Variants in ZNF276 observed in about 807,000 individuals in gnomAD.
ZNF276 encodes centromere protein Z.
Under a neutral mutation model 63.9 loss-of-function variants are expected in ZNF276, and 59 were observed. The ratio of observed to expected loss-of-function variants is 0.92; its 90% CI spans 0.75 to 1.15. ZNF276 has a LOEUF of 1.15. Ranked by LOEUF, ZNF276 falls within the 50% of genes most tolerant of loss-of-function variation. The pLI is 0.00. For missense variants in ZNF276, 1,084 were observed against 843.8 expected (o/e 1.28, Z -3.53); for synonymous variants, 496 against 348.4 (o/e 1.42, Z -4.72).
chr16:89,739,899 A>G lies in ZNF276; in HGVS notation c.*1653A>G, dbSNP rs749315047. 5.7e-6 allele frequency: 9 copies of G among 1,576,842 alleles called. No individual in the cohort carries two copies. The highest frequency in any genetic ancestry group is 1.7e-4 in the Middle Eastern group (1 of 5,908). The stretch of plus-strand genomic sequence containing the variant: ...AATGGAGCTTATAAACTTACTTAGC[A>G]AGGAACCTCAAGGAGGGCTCGTTCT... On this transcript the variant is annotated 3_prime_UTR_variant, in exon 11 of 11. Transcript: ENST00000443381.
Position 89,722,770 on chromosome 16 carries a change from C to T in ZNF276, c.445C>T (p.Leu149Phe). ...CHAQFYQCHS[L>F]LKSFLQRVNA... ...CGCCCAGTTCTACCAGTGCCACAGC[C>T]TTCTCAAGTCCTTCCTGCAGAGGGT... The change falls in exon 2 of 11, where the codon CTT becomes TTT. Residue 149 changes from leucine to phenylalanine, a missense_variant. Leu to Phe is a conservative substitution (Grantham distance 22). Transcript: ENST00000443381. The T allele has an allele frequency of 1.2e-6, 2 of 1,610,188 alleles. No individual in the cohort carries two copies. Among genetic ancestry groups the T allele is most frequent in the Non-Finnish European group, 1.7e-6 (2 of 1,180,014 alleles).
chr16:89,736,951 C>T (rs1007114162), intron 9 of ZNF276, among the ~76,000 whole-genome samples: 5 of 152,172 alleles, frequency 3.3e-5, no homozygotes, highest in South Asian at 2.1e-4. Flanking sequence ...TAGGGTTTCC[C>T]TTCGAAGAGA....
intron 1 of ZNF276, 28 bp downstream of exon 1, chr16:89,721,873 T>C (rs939554333): frequency 8.4e-7 from 1 of 1,193,972 alleles, no homozygotes; most frequent in South Asian, 4.2e-5. Flanking sequence ...GCGTGGCGGG[T>C]TGGGGTCGCG....
chr16:89,736,331 A>ATT (rs754681240), intron 9 of ZNF276, among the ~76,000 whole-genome samples: 10,753 of 134,984 alleles, frequency 0.08, 497 homozygotes, highest in East Asian at 0.24. Context: ...CCAGCCCCCA[A>ATT]TTTTTTTTTT....
Position 89,739,739 on chromosome 16 carries a change from C to A in ZNF276, c.*1493C>A, listed in dbSNP as rs1282075167. 6.7e-7 allele frequency: 1 copy of A among 1,492,588 alleles called. No homozygotes were observed. Among genetic ancestry groups the A allele is most frequent in the Non-Finnish European group, 8.9e-7 (1 of 1,123,396 alleles). 92.5% of individuals were successfully genotyped at this position (1,492,588 alleles called of 1,614,324 possible). On this transcript the variant is annotated 3_prime_UTR_variant, in exon 11 of 11. Transcript: ENST00000443381. ...AGCTGGGAGAGGATGGGGGGGTCGA[C>A]CTCTTGCAGGAGGGTGGGTGTGGTG...
At position 89,739,782 on chromosome 16, in the gene ZNF276, C is replaced by T. The variant is rs2151713903; in HGVS notation, c.*1536C>T. Reference sequence around the variant, plus strand: ...GTGTGGTGCAGAGAGAGGCAGTCCCCATGATAGGCCCATTGGTCCTGGGGT... The same window carrying T: ...GTGTGGTGCAGAGAGAGGCAGTCCCTATGATAGGCCCATTGGTCCTGGGGT... On this transcript the variant is annotated 3_prime_UTR_variant, in exon 11 of 11. Coordinates refer to ENST00000443381, the MANE Select transcript of ZNF276 (RefSeq NM_001113525.2). 15 of 1,468,514 alleles carry T rather than the reference C, an allele frequency of 1.0e-5. No homozygotes were observed. The highest frequency in any genetic ancestry group is 1.3e-5 in the Non-Finnish European group (15 of 1,114,036). 91.0% of individuals were successfully genotyped at this position (1,468,514 alleles called of 1,614,324 possible). A position where few individuals can be genotyped will look rare whatever the true frequency, so the allele number is the denominator to read the frequency against.
intron 1 of ZNF276, 112 bp downstream of exon 1, chr16:89,721,957 G>T (rs2061298560): frequency 2.6e-6 from 2 of 763,764 alleles, no homozygotes; most frequent in South Asian, 1.3e-4. Context: ...CCGGCCAAGG[G>T]CGTAGCGGAC....
chr16:89,728,632 G>C (rs537279036), intron 5 of ZNF276, among the ~76,000 whole-genome samples: 8 of 152,236 alleles, frequency 5.3e-5, no homozygotes, highest in Admixed American at 2.0e-4. Context: ...TTGATCTCCT[G>C]ACCTCGTGAT....
At position 89,722,841 on chromosome 16, in the gene ZNF276, C is replaced by T. The variant is rs1451574123; in HGVS notation, c.509+7C>T. On this transcript the variant is annotated splice_region_variant and intron_variant, in intron 2 of 10. Transcript: ENST00000443381. The stretch of plus-strand genomic sequence containing the variant: ...GCCGGAAGCCTTGTGCAAAGTACGC[C>T]CTAGTCTGTTCAGAGCACGTTCAGG... The T allele has an allele frequency of 7.5e-6, 12 of 1,599,770 alleles. No individual in the cohort carries two copies. The highest frequency in any genetic ancestry group is 3.3e-5 in the Admixed American group (2 of 59,934).
chr16:89,735,744 C>T (rs1367151759), intron 9 of ZNF276, among the ~76,000 whole-genome samples: 2 of 152,128 alleles, frequency 1.3e-5, no homozygotes, highest in Non-Finnish European at 2.9e-5. Context: ...GAAACAGTCT[C>T]ACTCTTATCA....
Position 89,737,883 on chromosome 16 carries a change from C to A in ZNF276, c.1552C>A (p.His518Asn). 6.2e-7 allele frequency: 1 copy of A among 1,613,604 alleles called. No homozygotes were observed. The highest frequency in any genetic ancestry group is 8.5e-7 in the Non-Finnish European group (1 of 1,179,906). Residue 518 changes from histidine to asparagine, a missense_variant, in exon 10 of 11, where the codon CAT (histidine) becomes AAT (asparagine). Transcript: ENST00000443381. Reference sequence around the variant, plus strand: ...GCACCTTCTCGTCCACCAAATGCGACATTCGGGAGCCAAGCCTTTGCAGTA... The same window carrying A: ...GCACCTTCTCGTCCACCAAATGCGAAATTCGGGAGCCAAGCCTTTGCAGTA... ...RKHLLVHQMRHSGAKPLQCEV... is the reference protein window; with the variant it reads ...RKHLLVHQMRNSGAKPLQCEV...
At position 89,729,230 on chromosome 16, in the gene ZNF276, C is replaced by T. The variant is rs1249180126; in HGVS notation, c.1086-5C>T. 3 of 1,613,660 alleles carry T rather than the reference C, an allele frequency of 1.9e-6. No individual in the cohort carries two copies. Among genetic ancestry groups the T allele is most frequent in the South Asian group, 1.1e-5 (1 of 91,070 alleles). ...CTTTGCTGAAGATTCTCTCTTAATT[C>T]CTAGAGACGTCTTGAGTGAAGATGA... On this transcript the variant is annotated splice_polypyrimidine_tract_variant and splice_region_variant and intron_variant, in intron 5 of 10. Coordinates refer to ENST00000443381, the MANE Select transcript of ZNF276 (RefSeq NM_001113525.2).
At chr16:89,732,835 T>A in intron 6 of ZNF276, 1 of 210,866 alleles carries the variant, frequency 4.7e-6, no homozygotes, top group South Asian at 4.4e-5. Flanking sequence ...CCCTGCTGTG[T>A]CCTGCGCCCT....
chr16:89,724,404 T>C (rs2061405114), intron 4 of ZNF276, among the ~76,000 whole-genome samples: 1 of 152,168 alleles, frequency 6.6e-6, no homozygotes, highest in Non-Finnish European at 1.5e-5. Context: ...CCCAGCACTT[T>C]GGGAGGCTGA....
chr16:89,740,304 C>G lies in ZNF276; in HGVS notation c.*2058C>G. On this transcript the variant is annotated 3_prime_UTR_variant, in exon 11 of 11. Transcript: ENST00000443381. ...GGAGGCCAGGGACTTCGAGCACCCA[C>G]ACCAAGGCTGCTGCACCACGTCCTC... is the stretch of plus-strand genomic sequence containing the variant. 1 of 594,270 alleles carries G rather than the reference C, an allele frequency of 1.7e-6. No individual in the cohort carries two copies. The highest frequency in any genetic ancestry group is 3.0e-6 in the Non-Finnish European group (1 of 332,290). The allele number at this position is 594,270 out of a possible 1,614,324, so 36.8% of individuals were successfully genotyped here.
At chr16:89,721,472 G>A (rs1009335806), upstream of ZNF276, 17 of 567,382 alleles carry the variant, frequency 3.0e-5, no homozygotes, top group African/African-American at 2.0e-4. Context: ...GGCCGGCGGG[G>A]TCCCGCCCCT....
chr16:89,733,733 G>T (rs937989753), intron 8 of ZNF276, among the ~76,000 whole-genome samples, 176 bp downstream of exon 8: 1 of 152,016 alleles, frequency 6.6e-6, no homozygotes, highest in Non-Finnish European at 1.5e-5. Flanking sequence ...TGTGAGGCCA[G>T]ACTTTCACTT....
intron 6 of ZNF276, 180 bp from the exon 7 acceptor site, chr16:89,733,120 CCT>C (rs1280791447): frequency 2.4e-5 from 15 of 634,754 alleles, no homozygotes; most frequent in African/African-American, 7.4e-5. Flanking sequence ...TGTGCTCGCC[CCT>C]GAGGCCTCCT....
chr16:89,739,108 A>T lies in ZNF276; in HGVS notation c.*862A>T. ...CTCCGGCTGGGGGGAGCTCCCCTGG[A>T]GGTGGGACTGGCCCTTGCACCTGCC... On this transcript the variant is annotated 3_prime_UTR_variant, in exon 11 of 11. Transcript: ENST00000443381. 6.2e-7 allele frequency: 1 copy of T among 1,613,972 alleles called. No individual in the cohort carries two copies. The highest frequency in any genetic ancestry group is 8.5e-7 in the Non-Finnish European group (1 of 1,179,936).
Sources: allele counts gnomAD v4.1 joint callset (sites outside exome capture counted in the v4.1 genomes callset), GRCh38; gene constraint gnomAD v4.1.1; transcripts MANE v1.5; gene names NCBI Gene and HGNC (gene_info 2026-07-23, HGNC 2026-07-21).